FHIT: variants seen among roughly 807,000 people sequenced by gnomAD.
FHIT encodes the protein bis(5'-adenosyl)-triphosphatase.
In FHIT, 19 loss-of-function variants were observed where a neutral mutation model predicts 17.9. The observed-to-expected ratio is 1.06, with a 90% CI of 0.74 to 1.56. FHIT has a LOEUF of 1.56. Ranked by LOEUF, FHIT falls within the 40% of genes most tolerant of loss-of-function variation. The pLI is 0.00. For missense variants in FHIT, 248 were observed against 189.2 expected, an observed-to-expected ratio of 1.31 and a Z score of -1.82; for synonymous variants, 81 against 69.7, an observed-to-expected ratio of 1.16 and a Z score of -0.81.
intron 5 of FHIT, among the ~76,000 whole-genome samples, chr3:60,472,403 T>C (rs1272088307): frequency 9.2e-5 from 14 of 151,592 alleles, no homozygotes; most frequent in Non-Finnish European, 2.1e-4. Context: ...AAGTCTTGCT[T>C]TGTTGCCCAG....
intron 4 of FHIT, among the ~76,000 whole-genome samples, chr3:60,744,266 A>AAAAAAAAAAAAAAAAAAAAAAG (rs2042304962): frequency 1.9e-5 from 1 of 52,898 alleles, no homozygotes; most frequent in Non-Finnish European, 3.6e-5. Context: ...AACAAAACAA[A>AAAAAAAAAAAAAAAAAAAAAAG]ACAAAAAAAA....
chr3:60,644,743 AAAC>A (rs1420457830), intron 4 of FHIT, among the ~76,000 whole-genome samples: 1 of 152,200 alleles, frequency 6.6e-6, no homozygotes, highest in Non-Finnish European at 1.5e-5. Context: ...CCAGGTGAGA[AAAC>A]AAACTCCACA....
At chr3:60,529,025 A>C (rs2035674439) in intron 5 of FHIT, among the ~76,000 whole-genome samples, 1 of 152,190 alleles carries the variant, frequency 6.6e-6, no homozygotes, top group African/African-American at 2.4e-5. Flanking sequence ...AGGCTCCTGA[A>C]ATATATTTAA....
Position 61,249,969 on chromosome 3 carries a change from CACACACACACACACACACACAA to C in FHIT, c.-213+1310_-213+1331del, listed in dbSNP as rs1393917247. 1.0e-3 allele frequency among the ~76,000 whole-genome samples: 151 copies of C among 150,744 alleles called. 1 individual carries two copies. The highest frequency in any genetic ancestry group is 3.6e-3 in the African/African-American group (147 of 40,602). ...ACACACACACACACACACACACACA[CACACACACACACACACACACAA>C]ACCCTAGACTTCTTTCTTTACTAAA... On this transcript the variant is annotated intron_variant, in intron 1 of 9. Transcript: ENST00000492590.
At chr3:60,291,006 G>T (rs746236635) in intron 5 of FHIT, among the ~76,000 whole-genome samples, 1 of 152,108 alleles carries the variant, frequency 6.6e-6, no homozygotes, top group East Asian at 1.9e-4. Flanking sequence ...GGATCTTTGT[G>T]GATTAATTAA....
intron 8 of FHIT, among the ~76,000 whole-genome samples, chr3:59,873,399 C>G (rs975163134): frequency 6.6e-6 from 1 of 152,176 alleles, no homozygotes; most frequent in Non-Finnish European, 1.5e-5. Context: ...CAACTTCTAA[C>G]AAAACACTTC....
chr3:61,040,801 T>G (rs2033470761), intron 3 of FHIT, among the ~76,000 whole-genome samples: 1 of 152,094 alleles, frequency 6.6e-6, no homozygotes, highest in Non-Finnish European at 1.5e-5. Flanking sequence ...AACAACACAA[T>G]AAGAGCCACT....
At chr3:60,937,118 G>A (rs1413876741) in intron 3 of FHIT, among the ~76,000 whole-genome samples, 2 of 152,178 alleles carry the variant, frequency 1.3e-5, no homozygotes, top group African/African-American at 2.4e-5. Context: ...AGCCCCCAAA[G>A]TGACAAAGGA....
At chr3:61,065,989 T>C (rs754314054) in intron 2 of FHIT, among the ~76,000 whole-genome samples, 7 of 152,124 alleles carry the variant, frequency 4.6e-5, no homozygotes, top group African/African-American at 9.7e-5. Flanking sequence ...TTTATTAGCT[T>C]ACAATTCTGG....
chr3:60,242,813 TCATA>T (rs976302626), intron 5 of FHIT, among the ~76,000 whole-genome samples: 3 of 152,026 alleles, frequency 2.0e-5, no homozygotes, highest in Non-Finnish European at 2.9e-5. Context: ...TCCTTCTTCC[TCATA>T]CAAACACATA....
chr3:60,942,898 C>A (rs1708481939), intron 3 of FHIT, among the ~76,000 whole-genome samples: 1 of 152,140 alleles, frequency 6.6e-6, no homozygotes, highest in Non-Finnish European at 1.5e-5. Flanking sequence ...GTACTAATTT[C>A]TATCATCATT....
intron 5 of FHIT, among the ~76,000 whole-genome samples, chr3:60,073,193 G>C (rs912367623): frequency 6.6e-6 from 1 of 152,110 alleles, no homozygotes; most frequent in African/African-American, 2.4e-5. Flanking sequence ...GCCCCCATAT[G>C]ATGTTTAAAA....
At chr3:60,552,683 T>G (rs1474043965) in intron 4 of FHIT, among the ~76,000 whole-genome samples, 2 of 151,954 alleles carry the variant, frequency 1.3e-5, no homozygotes, top group Non-Finnish European at 2.9e-5. Context: ...TAAGTATTCA[T>G]ACCTACTCCC....
intron 2 of FHIT, among the ~76,000 whole-genome samples, chr3:61,111,149 C>G (rs1286688524): frequency 6.6e-6 from 1 of 152,188 alleles, no homozygotes; most frequent in Non-Finnish European, 1.5e-5. Context: ...ATAGCTACCC[C>G]TAAAGCAGAG....
chr3:60,705,458 G>C (rs9311773), intron 4 of FHIT, among the ~76,000 whole-genome samples: 16,760 of 152,108 alleles, frequency 0.11, 1,988 homozygotes, highest in African/African-American at 0.3. Context: ...AGAGAAAGAT[G>C]ATAGAAATAC....
intron 5 of FHIT, among the ~76,000 whole-genome samples, chr3:60,472,657 T>C (rs1351543333): frequency 6.6e-6 from 1 of 152,152 alleles, no homozygotes; most frequent in East Asian, 1.9e-4. Context: ...GCATGAGCCA[T>C]GTACAATGCT....
At chr3:60,963,735 C>T (rs551380458) in intron 3 of FHIT, among the ~76,000 whole-genome samples, 11 of 151,768 alleles carry the variant, frequency 7.2e-5, no homozygotes, top group South Asian at 2.1e-4. Context: ...TGCATTTGAG[C>T]GGTTTTTGAA....
intron 3 of FHIT, among the ~76,000 whole-genome samples, chr3:61,041,198 C>A (rs186657240): frequency 1.3e-5 from 2 of 151,904 alleles, no homozygotes; most frequent in African/African-American, 4.8e-5. Context: ...GGCCAACATG[C>A]GGAAACCCTG....
At chr3:60,999,803 A>C in intron 3 of FHIT, among the ~76,000 whole-genome samples, 1 of 152,090 alleles carries the variant, frequency 6.6e-6, no homozygotes, top group Non-Finnish European at 1.5e-5. Flanking sequence ...AGTTGTAAAA[A>C]ATATCATAAA....
Sources: gnomAD v4.1 joint callset for allele counts (sites outside exome capture counted in the v4.1 genomes callset) on GRCh38, gnomAD v4.1.1 for gene constraint, MANE v1.5 for transcripts, NCBI Gene and HGNC (gene_info 2026-07-23, HGNC 2026-07-21) for gene names.